Variants in ASPH observed in about 807,000 individuals in gnomAD.
ASPH encodes aspartyl/asparaginyl beta-hydroxylase.
A neutral mutation model predicts 118.4 loss-of-function variants in ASPH; 100 were observed. That is an observed-to-expected ratio of 0.84 (90% CI 0.72 to 1.00). The LOEUF is 1.00. ASPH is among the 50% of genes least tolerant of loss of function. The probability of loss-of-function intolerance (pLI) is 0.00; values close to 1 mark genes in which losing one functional copy is unlikely to be tolerated. For synonymous variants in ASPH, 315 were observed against 325.6 expected, an observed-to-expected ratio of 0.97 and a Z score of 0.35; for missense variants, 920 against 919.5, an observed-to-expected ratio of 1.00 and a Z score of -0.01.
At chr8:61,559,857 G>A (rs1295012565) in intron 18 of ASPH, among the ~76,000 whole-genome samples, 1 of 152,122 alleles carries the variant, frequency 6.6e-6, no homozygotes. Flanking sequence ...CATGTTTGAA[G>A]ACCACTGCTG....
rs146179535 is a variant in ASPH at position 61,602,890 on chromosome 8, C to A, written c.976+16088G>T. On this transcript the variant is annotated intron_variant, in intron 14 of 24. Coordinates refer to ENST00000379454, the MANE Select transcript of ASPH (RefSeq NM_004318.4). ...AAAAATATAACCACAATACTGTTAC[C>A]ATATCTAAAAAGAAATTCACAGCTG... is the stretch of plus-strand genomic sequence containing the variant. 1.8e-3 allele frequency among the ~76,000 whole-genome samples: 269 copies of A among 152,082 alleles called. 5 individuals are homozygous for A. Among genetic ancestry groups the A allele is most frequent in the African/African-American group, 5.9e-3 (245 of 41,490 alleles).
chr8:61,588,892 G>A (rs1345925777), intron 14 of ASPH, among the ~76,000 whole-genome samples: 2 of 152,296 alleles, frequency 1.3e-5, no homozygotes, highest in Non-Finnish European at 2.9e-5. Context: ...ACTGGTGAAT[G>A]AAAACAATCT....
At chr8:61,704,227 A>C (rs977924149) in intron 1 of ASPH, among the ~76,000 whole-genome samples, 18 of 125,834 alleles carry the variant, frequency 1.4e-4, no homozygotes, top group Non-Finnish European at 2.6e-4. Flanking sequence ...AAAAAAAAAA[A>C]AAAAAACAGA....
chr8:61,693,822 T>A (rs1468970247), intron 1 of ASPH, among the ~76,000 whole-genome samples: 1 of 152,206 alleles, frequency 6.6e-6, no homozygotes, highest in Non-Finnish European at 1.5e-5. Flanking sequence ...GACTCCACAG[T>A]TGACCATTTA....
intron 3 of ASPH, chr8:61,662,777 C>A: frequency 1.0e-5 from 9 of 899,880 alleles, no homozygotes; most frequent in Non-Finnish European, 1.2e-5. Context: ...TGTTTCAATT[C>A]TTGAGCTAAC....
chr8:61,588,817 A>T (rs1185730980), intron 14 of ASPH, among the ~76,000 whole-genome samples: 2 of 152,256 alleles, frequency 1.3e-5, no homozygotes, highest in Non-Finnish European at 2.9e-5. Context: ...AAAGACTTGC[A>T]TGCAAATATT....
At position 61,714,407 on chromosome 8, in the gene ASPH, C is replaced by G; in HGVS notation, c.-36G>C. 1 of 1,436,098 alleles carries G rather than the reference C, an allele frequency of 7.0e-7. No individual in the cohort carries two copies. The allele number at this position is 1,436,098 out of a possible 1,614,324, so 89.0% of individuals were successfully genotyped here. A position where few individuals can be genotyped will look rare whatever the true frequency, so the allele number is the denominator to read the frequency against. Reference sequence around the variant, plus strand: ...GCGGGGGCTGGTGAGGGCTGGCGGACCTCCTTCAGTGCGCGGGGGTACACA... The same window carrying G: ...GCGGGGGCTGGTGAGGGCTGGCGGAGCTCCTTCAGTGCGCGGGGGTACACA... On this transcript the variant is annotated 5_prime_UTR_variant, in exon 1 of 25. Transcript: ENST00000379454.
intron 14 of ASPH, among the ~76,000 whole-genome samples, chr8:61,602,201 C>T (rs187818645): frequency 6.2e-4 from 94 of 151,322 alleles, no homozygotes; most frequent in Non-Finnish European, 1.2e-3. Context: ...ATGTAAAAAA[C>T]TTCTTATCAA....
chr8:61,696,507 G>A (rs913581810), intron 1 of ASPH, among the ~76,000 whole-genome samples: 4 of 152,142 alleles, frequency 2.6e-5, no homozygotes, highest in Non-Finnish European at 5.9e-5. Flanking sequence ...ACGAATTTGT[G>A]ATGGACCCAA....
intron 1 of ASPH, chr8:61,684,689 CCTTTA>C (rs1829719363): frequency 6.5e-6 from 1 of 152,704 alleles, no homozygotes; most frequent in African/African-American, 2.4e-5. Flanking sequence ...CATTCCTACT[CCTTTA>C]CAAGATCCGT....
intron 22 of ASPH, among the ~76,000 whole-genome samples, chr8:61,524,173 A>G (rs1035183675): frequency 2.6e-5 from 4 of 152,220 alleles, no homozygotes; most frequent in Non-Finnish European, 4.4e-5. Context: ...TTTTAAGTCA[A>G]TGTGGAAACC....
chr8:61,636,683 G>A (rs922853436), intron 12 of ASPH, among the ~76,000 whole-genome samples: 13 of 152,224 alleles, frequency 8.5e-5, no homozygotes, highest in Admixed American at 3.9e-4. Flanking sequence ...TCTAAACCAA[G>A]AAAGGTAGGG....
At chr8:61,677,376 T>A (rs190851573) in intron 3 of ASPH, among the ~76,000 whole-genome samples, 2 of 152,130 alleles carry the variant, frequency 1.3e-5, no homozygotes, top group Non-Finnish European at 2.9e-5. Context: ...TGGGGTGTTC[T>A]GACTGTAAGA....
intron 16 of ASPH, among the ~76,000 whole-genome samples, chr8:61,575,588 G>C (rs1834864604): frequency 6.6e-6 from 1 of 152,146 alleles, no homozygotes; most frequent in Non-Finnish European, 1.5e-5. Context: ...CTAGCACACA[G>C]TGGGCTTTCA....
chr8:61,538,483 T>C (rs1363045509), intron 21 of ASPH, among the ~76,000 whole-genome samples: 2 of 152,348 alleles, frequency 1.3e-5, no homozygotes, highest in East Asian at 3.9e-4. Context: ...AATTCCACTA[T>C]AAATCTGACA....
intron 3 of ASPH, chr8:61,664,944 G>T: frequency 2.8e-6 from 3 of 1,089,234 alleles, no homozygotes; most frequent in Non-Finnish European, 3.3e-6. Context: ...CTTATTTAAC[G>T]TCAATGAAAG....
At chr8:61,633,414 C>T (rs1045185666) in intron 13 of ASPH, 2 of 271,130 alleles carry the variant, frequency 7.4e-6, no homozygotes, top group Admixed American at 5.3e-5. Flanking sequence ...ACTCTAACTT[C>T]CACTACTACC....
intron 21 of ASPH, among the ~76,000 whole-genome samples, chr8:61,527,101 CA>C (rs2129627038): frequency 6.6e-6 from 1 of 152,246 alleles, no homozygotes; most frequent in African/African-American, 2.4e-5. Context: ...CAACAAGAAT[CA>C]GGGGCAGATC....
intron 17 of ASPH, among the ~76,000 whole-genome samples, chr8:61,565,208 C>G (rs1336019106): frequency 2.0e-5 from 3 of 152,052 alleles, no homozygotes; most frequent in South Asian, 4.1e-4. Context: ...ATGTTCTTTT[C>G]AAAGTATTTG....
Sources: gnomAD v4.1 joint callset for allele counts (sites outside exome capture counted in the v4.1 genomes callset) on GRCh38, gnomAD v4.1.1 for gene constraint, MANE v1.5 for transcripts, NCBI Gene and HGNC (gene_info 2026-07-23, HGNC 2026-07-21) for gene names.